The following ANKRD11 variants were observed in gnomAD, a reference collection of about 807,000 sequenced individuals.
The protein encoded by ANKRD11 is ankyrin repeat domain-containing protein 11.
ANKRD11 carries 17 observed loss-of-function variants against 195.7 expected under a neutral mutation model. That is an observed-to-expected ratio of 0.09 (90% CI 0.06 to 0.13). The LOEUF is 0.13. ANKRD11 is among the 10% of genes least tolerant of loss of function. ANKRD11 has a pLI of 1.00. For missense variants in ANKRD11, 3,735 were observed against 3,566.1 expected (o/e 1.05, Z -1.21); for synonymous variants, 1,953 against 1,528.1 (o/e 1.28, Z -6.49).
At chr16:89,473,341 G>C (rs1298028445) in intron 1 of ANKRD11, among the ~76,000 whole-genome samples, 1 of 152,184 alleles carries the variant, frequency 6.6e-6, no homozygotes, top group Non-Finnish European at 1.5e-5. Flanking sequence ...CTAGAGAATA[G>C]AGGTGGAGAA....
Position 89,456,818 on chromosome 16 carries a change from G to A in ANKRD11, c.-145+33427C>T, listed in dbSNP as rs553755956. Among the ~76,000 whole-genome samples, 141 of 152,330 alleles carry A rather than the reference G, an allele frequency of 9.3e-4. 1 individual carries two copies. The highest frequency in any genetic ancestry group is 2.8e-3 in the African/African-American group (117 of 41,574). Reference sequence around the variant, plus strand: ...GTGGCTGAAGAGCTGCGGAGAAGTGGAGCGCTTCCTTCGGGGGGAACAGAA... The same window carrying A: ...GTGGCTGAAGAGCTGCGGAGAAGTGAAGCGCTTCCTTCGGGGGGAACAGAA... On this transcript the variant is annotated intron_variant, in intron 1 of 12. Transcript: ENST00000301030.
chr16:89,275,735 G>GA (rs1249275942), intron 9 of ANKRD11, among the ~76,000 whole-genome samples: 2 of 152,226 alleles, frequency 1.3e-5, no homozygotes, highest in East Asian at 3.8e-4. Context: ...CTGTGGGCCG[G>GA]AAGCGCAGGC....
chr16:89,372,164 C>T (rs758806228), intron 2 of ANKRD11, among the ~76,000 whole-genome samples: 11 of 152,244 alleles, frequency 7.2e-5, no homozygotes, highest in Non-Finnish European at 1.0e-4. Context: ...GAAGGACCGG[C>T]GCCCACTCCC....
chr16:89,314,461 C>T (rs2036821178), intron 3 of ANKRD11, among the ~76,000 whole-genome samples: 1 of 152,166 alleles, frequency 6.6e-6, no homozygotes, highest in South Asian at 2.1e-4. Flanking sequence ...TGAGCGCACA[C>T]ATCAGCGCTG....
chr16:89,455,619 A>G (rs1174402067), intron 1 of ANKRD11, among the ~76,000 whole-genome samples: 1 of 152,058 alleles, frequency 6.6e-6, no homozygotes, highest in Admixed American at 6.6e-5. Flanking sequence ...GAGAACGCCT[A>G]ATGAAAAAGC....
intron 2 of ANKRD11, among the ~76,000 whole-genome samples, chr16:89,362,037 T>G (rs1002325285): frequency 6.6e-6 from 1 of 152,208 alleles, no homozygotes; most frequent in African/African-American, 2.4e-5. Context: ...AGACTAACCC[T>G]CAAGTGCTCC....
chr16:89,472,268 T>G (rs532854152), intron 1 of ANKRD11, among the ~76,000 whole-genome samples: 10 of 152,196 alleles, frequency 6.6e-5, no homozygotes, highest in Non-Finnish European at 1.5e-4. Context: ...CATCTTCATG[T>G]TCCAACCTGA....
intron 2 of ANKRD11, among the ~76,000 whole-genome samples, chr16:89,344,751 G>A (rs996267896): frequency 2.0e-5 from 3 of 152,182 alleles, no homozygotes; most frequent in African/African-American, 4.8e-5. Context: ...ACAGCGGAGG[G>A]CACGGGAGCA....
intron 11 of ANKRD11, among the ~76,000 whole-genome samples, chr16:89,273,384 T>C (rs1208708023): frequency 2.6e-5 from 4 of 152,194 alleles, no homozygotes; most frequent in African/African-American, 9.6e-5. Flanking sequence ...AAGCACCATT[T>C]GGTCCAACTC....
chr16:89,489,612 C>G (rs919549723), intron 1 of ANKRD11, among the ~76,000 whole-genome samples: 1 of 151,992 alleles, frequency 6.6e-6, no homozygotes, highest in Non-Finnish European at 1.5e-5. Flanking sequence ...ACGACCAGCA[C>G]GGCGAAGGCG....
chr16:89,328,750 GA>G (rs1336002564), intron 2 of ANKRD11, among the ~76,000 whole-genome samples: 40 of 136,482 alleles, frequency 2.9e-4, no homozygotes, highest in African/African-American at 9.3e-4. Flanking sequence ...GAGCACGGGC[GA>G]AATCAGCGGA....
chr16:89,303,219 A>C (rs3102346), intron 4 of ANKRD11, among the ~76,000 whole-genome samples: 1 of 152,018 alleles, frequency 6.6e-6, no homozygotes, highest in Non-Finnish European at 1.5e-5. Flanking sequence ...AAACACCTCA[A>C]AGGTCTGAGG....
At chr16:89,420,464 T>C (rs12597443) in intron 1 of ANKRD11, 4,057 of 152,342 alleles carry the variant, frequency 0.027, 310 homozygotes, top group East Asian at 0.27. Context: ...GCTGCTTTAA[T>C]GCAGCTGCTG....
intron 1 of ANKRD11, among the ~76,000 whole-genome samples, chr16:89,457,766 T>A (rs933387485): frequency 1.3e-5 from 2 of 152,034 alleles, no homozygotes; most frequent in Non-Finnish European, 2.9e-5. Flanking sequence ...ACCTGGGGTA[T>A]CAAAACTGTC....
At chr16:89,312,931 A>T (rs938651347) in intron 3 of ANKRD11, among the ~76,000 whole-genome samples, 4 of 152,154 alleles carry the variant, frequency 2.6e-5, no homozygotes, top group African/African-American at 9.7e-5. Context: ...ATCTTCGGGG[A>T]GGGGCCTCAG....
At chr16:89,287,902 T>G in intron 7 of ANKRD11, 1 of 382,216 alleles carries the variant, frequency 2.6e-6, no homozygotes, top group Non-Finnish European at 4.7e-6. Context: ...AGCCTTGCTG[T>G]CCTGCCTGCA....
intron 1 of ANKRD11, among the ~76,000 whole-genome samples, chr16:89,467,861 C>G (rs895749732): frequency 1.3e-5 from 2 of 152,150 alleles, no homozygotes; most frequent in African/African-American, 4.8e-5. Context: ...AGTGGAGTGG[C>G]GTGATCTCAG....
At chr16:89,367,312 C>T (rs1009269927) in intron 2 of ANKRD11, among the ~76,000 whole-genome samples, 8 of 152,258 alleles carry the variant, frequency 5.3e-5, no homozygotes, top group Admixed American at 3.9e-4. Flanking sequence ...CCAGCAGTAC[C>T]GGGAGCCCCT....
At position 89,330,524 on chromosome 16, in the gene ANKRD11, C is replaced by T. The variant is rs572438117; in HGVS notation, c.-59-13446G>A. Among the ~76,000 whole-genome samples the T allele has an allele frequency of 1.1e-3, 163 of 151,302 alleles. 1 individual carries two copies. The highest frequency in any genetic ancestry group is 4.3e-4 in the Non-Finnish European group (29 of 67,806). On this transcript the variant is annotated intron_variant, in intron 2 of 12. Transcript: ENST00000301030. ...CGTGAGGGTCCCCGTGACGTGGCAGCGGGTTTCCACAGTGCAGTCATTGAT... is the reference window on the plus strand; with the variant it reads ...CGTGAGGGTCCCCGTGACGTGGCAGTGGGTTTCCACAGTGCAGTCATTGAT...
Sources: allele counts gnomAD v4.1 joint callset (sites outside exome capture counted in the v4.1 genomes callset), GRCh38; gene constraint gnomAD v4.1.1; transcripts MANE v1.5; gene names NCBI Gene and HGNC (gene_info 2026-07-23, HGNC 2026-07-21).